The following MAPK10 variants were observed in gnomAD, a reference collection of about 807,000 sequenced individuals.
MAPK10 encodes mitogen-activated protein kinase 10.
Under a neutral mutation model 59.3 loss-of-function variants are expected in MAPK10, and 25 were observed. The observed-to-expected ratio is 0.42, with a 90% CI of 0.31 to 0.59. The LOEUF (loss-of-function observed/expected upper bound fraction) is 0.59. MAPK10 is among the 20% of genes least tolerant of loss of function. MAPK10 has a pLI of 0.15. For synonymous variants in MAPK10, 190 were observed against 200.5 expected (o/e 0.95, Z 0.44); for missense variants, 351 against 568.9 (o/e 0.62, Z 3.90).
intron 3 of MAPK10, among the ~76,000 whole-genome samples, chr4:86,190,544 T>C (rs966523592): frequency 4.6e-5 from 7 of 152,224 alleles, no homozygotes; most frequent in African/African-American, 1.4e-4. Flanking sequence ...GAGGTGTTTA[T>C]AGTATTCTCT....
chr4:86,051,086 A>G (rs2043428352), intron 11 of MAPK10, among the ~76,000 whole-genome samples: 1 of 152,116 alleles, frequency 6.6e-6, no homozygotes, highest in African/African-American at 2.4e-5. Context: ...TACATACATT[A>G]TATTCTCTTT....
intron 1 of MAPK10, among the ~76,000 whole-genome samples, chr4:86,367,193 A>G (rs1738034930): frequency 6.6e-6 from 1 of 152,192 alleles, no homozygotes; most frequent in South Asian, 2.1e-4. Flanking sequence ...AAAGGGTTTG[A>G]TAAAAAGCAA....
rs186539936 is a variant in MAPK10 at position 86,551,345 on chromosome 4, A to C, written c.-263+42565T>G. 2.0e-3 allele frequency among the ~76,000 whole-genome samples: 309 copies of C among 152,342 alleles called. 4 individuals are homozygous for C. Among genetic ancestry groups the C allele is most frequent in the Admixed American group, 0.019 (291 of 15,306 alleles). On this transcript the variant is annotated intron_variant, in intron 1 of 4. Coordinates refer to the MAPK10 transcript ENST00000502302. ...CAATGAAACTAGGCAAAATGAGATGAAAGAATTTTGGCTGTGATTTTAGGA... is the reference window on the plus strand; with the variant it reads ...CAATGAAACTAGGCAAAATGAGATGCAAGAATTTTGGCTGTGATTTTAGGA...
At chr4:86,377,449 T>C (rs866196136) in intron 1 of MAPK10, among the ~76,000 whole-genome samples, 27 of 152,334 alleles carry the variant, frequency 1.8e-4, no homozygotes, top group African/African-American at 6.3e-4. Flanking sequence ...GCTGCAGGCC[T>C]TGGTGAAGGA....
At chr4:86,145,469 T>C (rs1314739970) in intron 4 of MAPK10, among the ~76,000 whole-genome samples, 1 of 151,736 alleles carries the variant, frequency 6.6e-6, no homozygotes. Context: ...TAAGCAAAAA[T>C]AGTATTTCTC....
At chr4:86,067,090 T>C (rs796309348) in intron 10 of MAPK10, among the ~76,000 whole-genome samples, 45 of 152,284 alleles carry the variant, frequency 3.0e-4, no homozygotes, top group African/African-American at 9.1e-4. Context: ...GAGATTCAAA[T>C]TGATTTAAAA....
chr4:86,206,291 C>A (rs1275245196), intron 2 of MAPK10, among the ~76,000 whole-genome samples: 1 of 150,666 alleles, frequency 6.6e-6, no homozygotes, highest in Admixed American at 6.6e-5. Context: ...TGAGAATATG[C>A]GGTGTTTGGT....
At chr4:86,556,606 A>C (rs189540059) in intron 1 of MAPK10, among the ~76,000 whole-genome samples, 1 of 152,290 alleles carries the variant, frequency 6.6e-6, no homozygotes, top group Admixed American at 6.5e-5. Context: ...CAACTAAAAG[A>C]AATAATACAT....
chr4:86,178,832 A>G (rs569015623), intron 3 of MAPK10, among the ~76,000 whole-genome samples: 1 of 152,338 alleles, frequency 6.6e-6, no homozygotes, highest in Admixed American at 6.5e-5. Context: ...CAAATTCAAT[A>G]AAATTGCAGA....
intron 4 of MAPK10, among the ~76,000 whole-genome samples, chr4:86,126,142 C>T (rs1442974762): frequency 6.6e-6 from 1 of 152,042 alleles, no homozygotes; most frequent in Admixed American, 6.6e-5. Flanking sequence ...TGCAGCACTG[C>T]CAACTATGCA....
At chr4:86,076,160 G>C (rs922356777) in intron 9 of MAPK10, among the ~76,000 whole-genome samples, 7 of 152,154 alleles carry the variant, frequency 4.6e-5, no homozygotes, top group African/African-American at 1.7e-4. Context: ...CGATTTTCCA[G>C]GTGCGTCTGT....
At chr4:86,552,458 AAGGAGGG>A (rs1759882286) in intron 1 of MAPK10, among the ~76,000 whole-genome samples, 1 of 75,684 alleles carries the variant, frequency 1.3e-5, no homozygotes, top group African/African-American at 5.3e-5. Context: ...GGAAGGAAGG[AAGGAGGG>A]AGGGAGGGAG....
chr4:86,217,676 A>G (rs1314879556), intron 2 of MAPK10, among the ~76,000 whole-genome samples: 1 of 152,150 alleles, frequency 6.6e-6, no homozygotes, highest in Non-Finnish European at 1.5e-5. Flanking sequence ...TGAATTATAC[A>G]TGGTCTTTTT....
chr4:86,459,174 C>G lies in MAPK10; in HGVS notation c.-262-104530G>C, dbSNP rs149194405. Among the ~76,000 whole-genome samples the G allele has an allele frequency of 1.6e-3, 242 of 152,334 alleles. 2 individuals are homozygous for G. Among genetic ancestry groups the G allele is most frequent in the African/African-American group, 5.5e-3 (229 of 41,564 alleles). ...ACATATGAAAAAATGCTCAACATCA[C>G]TAGTGATCAGGGAAATTCAAGTCAA... On this transcript the variant is annotated intron_variant, in intron 1 of 4. Coordinates refer to the MAPK10 transcript ENST00000502302.
intron 2 of MAPK10, among the ~76,000 whole-genome samples, chr4:86,264,897 T>C (rs1216827364): frequency 1.4e-5 from 2 of 146,776 alleles, no homozygotes; most frequent in African/African-American, 5.1e-5. Flanking sequence ...ACTTTTTTTT[T>C]TTTTTTTTTT....
intron 1 of MAPK10, among the ~76,000 whole-genome samples, chr4:86,551,114 T>C (rs1469704914): frequency 6.6e-6 from 1 of 152,186 alleles, no homozygotes; most frequent in East Asian, 1.9e-4. Context: ...TTGTGGCAAT[T>C]TGTAGAGTCT....
In MAPK10 at chr4:86,371,748, G is replaced by A. The variant is rs79652265; in HGVS notation, c.-121-17104C>T. 4.5e-3 allele frequency among the ~76,000 whole-genome samples: 683 copies of A among 152,268 alleles called. 19 individuals carry two copies. The East Asian group carries it at 0.075, about 17-fold the overall frequency. On this transcript the variant is annotated intron_variant, in intron 1 of 13. Transcript: ENST00000361569. ...CACGGAGGGCAGACCAAAGCAGGGTGGGGCATCGCCTCACTTGGAAGCACA... is the reference window on the plus strand; with the variant it reads ...CACGGAGGGCAGACCAAAGCAGGGTAGGGCATCGCCTCACTTGGAAGCACA...
At chr4:86,121,110 G>A (rs1321083881) in intron 4 of MAPK10, among the ~76,000 whole-genome samples, 2 of 152,184 alleles carry the variant, frequency 1.3e-5, no homozygotes, top group African/African-American at 4.8e-5. Flanking sequence ...TAAGAAGGCT[G>A]TGCCTACATA....
At chr4:86,066,063 A>G (rs1229088274) in intron 10 of MAPK10, among the ~76,000 whole-genome samples, 2 of 152,190 alleles carry the variant, frequency 1.3e-5, no homozygotes, top group Non-Finnish European at 2.9e-5. Context: ...CTATAGTTAA[A>G]ATGTAGCAAT....
Sources: allele counts gnomAD v4.1 joint callset (sites outside exome capture counted in the v4.1 genomes callset), GRCh38; gene constraint gnomAD v4.1.1; transcripts MANE v1.5; gene names NCBI Gene and HGNC (gene_info 2026-07-23, HGNC 2026-07-21).